The following ELAPOR2 variants were observed in gnomAD, a reference collection of about 807,000 sequenced individuals.
ELAPOR2 encodes the protein endosome/lysosome-associated apoptosis and autophagy regulator family member 2.
ELAPOR2 carries 89 observed loss-of-function variants against 120.7 expected under a neutral mutation model. The observed-to-expected ratio is 0.74, with a 90% CI of 0.62 to 0.88. ELAPOR2 has a LOEUF of 0.88. Among genes scored for constraint, ELAPOR2 ranks in the 40% least tolerant of loss-of-function variants. The probability of loss-of-function intolerance (pLI) is 0.00; values close to 1 mark genes in which losing one functional copy is unlikely to be tolerated. For missense variants in ELAPOR2, 1,134 were observed against 1,251.6 expected (o/e 0.91, Z 1.42); for synonymous variants, 444 against 444.9 (o/e 1.00, Z 0.03).
chr7:86,914,458 T>C (rs1347813603), intron 13 of ELAPOR2, among the ~76,000 whole-genome samples: 1 of 152,178 alleles, frequency 6.6e-6, no homozygotes, highest in Non-Finnish European at 1.5e-5. Context: ...AATTAGATTT[T>C]CCTTCTCATA....
chr7:86,936,856 T>C (rs1450827088), intron 8 of ELAPOR2, among the ~76,000 whole-genome samples: 1 of 152,088 alleles, frequency 6.6e-6, no homozygotes, highest in Non-Finnish European at 1.5e-5. Context: ...ATATTTTCAT[T>C]GTAGATAAGA....
chr7:86,897,769 G>T, intron 18 of ELAPOR2, 137 bp from the exon 19 acceptor site: 1 of 928,068 alleles, frequency 1.1e-6, no homozygotes, highest in Non-Finnish European at 1.6e-6. Context: ...GTGGAAAAAA[G>T]TCTAAAAGAC....
intron 2 of ELAPOR2, among the ~76,000 whole-genome samples, chr7:86,962,760 G>A (rs1791765275): frequency 6.6e-6 from 1 of 152,186 alleles, no homozygotes; most frequent in African/African-American, 2.4e-5. Context: ...AAAGCTCTAA[G>A]CACAATGTTT....
intron 21 of ELAPOR2, among the ~76,000 whole-genome samples, chr7:86,890,547 C>T (rs1043706453): frequency 6.6e-5 from 10 of 151,948 alleles, no homozygotes; most frequent in African/African-American, 2.4e-4. Context: ...CTACCTGTGG[C>T]TTTGGGAGCT....
chr7:87,033,648 A>G (rs1026280977), intron 1 of ELAPOR2, among the ~76,000 whole-genome samples: 1 of 152,156 alleles, frequency 6.6e-6, no homozygotes, highest in African/African-American at 2.4e-5. Flanking sequence ...AGAATCCAAA[A>G]AAAATTTTTA....
chr7:87,051,267 C>A (rs1795092698), intron 1 of ELAPOR2, among the ~76,000 whole-genome samples: 2 of 102,564 alleles, frequency 1.9e-5, no homozygotes, highest in Non-Finnish European at 4.5e-5. Flanking sequence ...AAGAGAAAAA[C>A]CAGGAGAGTT....
At chr7:87,045,565 A>T (rs1794926546) in intron 1 of ELAPOR2, among the ~76,000 whole-genome samples, 1 of 149,140 alleles carries the variant, frequency 6.7e-6, no homozygotes, top group Non-Finnish European at 1.5e-5. Flanking sequence ...CAGTGAGATC[A>T]CATGGACACA....
chr7:86,939,070 G>T (rs921381556), intron 6 of ELAPOR2, 110 bp from the exon 7 acceptor site: 27 of 1,168,498 alleles, frequency 2.3e-5, no homozygotes, highest in African/African-American at 3.1e-5. Flanking sequence ...GAACAGTAAG[G>T]TCAGCCCAAA....
chr7:87,050,773 T>G (rs1052291387), intron 1 of ELAPOR2, among the ~76,000 whole-genome samples: 1 of 152,168 alleles, frequency 6.6e-6, no homozygotes, highest in African/African-American at 2.4e-5. Context: ...CAAGATACAA[T>G]GGTAGTATGG....
At chr7:86,888,574 T>C (rs374823403) in intron 21 of ELAPOR2, among the ~76,000 whole-genome samples, 16 of 152,100 alleles carry the variant, frequency 1.1e-4, no homozygotes, top group African/African-American at 3.9e-4. Context: ...CCCCTTAAAC[T>C]AACTGAGAAA....
intron 20 of ELAPOR2, among the ~76,000 whole-genome samples, chr7:86,892,457 T>A (rs1021438061): frequency 6.6e-6 from 1 of 152,094 alleles, no homozygotes; most frequent in African/African-American, 2.4e-5. Flanking sequence ...CAATATTCAA[T>A]TCCAGATACT....
chr7:87,010,205 A>G (rs186198307), intron 1 of ELAPOR2, among the ~76,000 whole-genome samples: 8 of 152,286 alleles, frequency 5.3e-5, no homozygotes, highest in African/African-American at 1.9e-4. Context: ...CTAAAAGCAA[A>G]ATTCTTAATA....
chr7:86,938,322 C>T (rs191912182), intron 7 of ELAPOR2, 108 bp from the exon 8 acceptor site: 31 of 771,092 alleles, frequency 4.0e-5, no homozygotes, highest in Admixed American at 1.7e-4. Flanking sequence ...AATAAACTTA[C>T]CAGGGCAATT....
chr7:86,897,145 C>A (rs150450210), intron 19 of ELAPOR2, among the ~76,000 whole-genome samples: 1 of 152,110 alleles, frequency 6.6e-6, no homozygotes, highest in African/African-American at 2.4e-5. Context: ...TATGTATATG[C>A]TTTACTTTTT....
At chr7:87,029,507 T>G (rs908797396) in intron 1 of ELAPOR2, among the ~76,000 whole-genome samples, 1 of 152,200 alleles carries the variant, frequency 6.6e-6, no homozygotes, top group East Asian at 1.9e-4. Flanking sequence ...TTCGCAATTC[T>G]TTTTATAATT....
intron 1 of ELAPOR2, among the ~76,000 whole-genome samples, chr7:86,966,180 T>C (rs1316123495): frequency 6.6e-6 from 1 of 152,124 alleles, no homozygotes; most frequent in African/African-American, 2.4e-5. Context: ...CAGCTAAATA[T>C]CCAAGCTCAT....
At chr7:87,016,907 AC>A (rs1371194058) in intron 1 of ELAPOR2, among the ~76,000 whole-genome samples, 3 of 152,100 alleles carry the variant, frequency 2.0e-5, no homozygotes, top group African/African-American at 7.2e-5. Flanking sequence ...CTTTCCAAAA[AC>A]CTGTCTTCAA....
At chr7:86,948,066 G>T in intron 2 of ELAPOR2, 144 bp from the exon 3 acceptor site, 1 of 618,826 alleles carries the variant, frequency 1.6e-6, no homozygotes, top group Non-Finnish European at 2.8e-6. Flanking sequence ...ATCACTACAT[G>T]CATTTCACAA....
intron 10 of ELAPOR2, 89 bp from the exon 11 acceptor site, chr7:86,919,399 C>A: frequency 1.3e-6 from 1 of 742,154 alleles, no homozygotes. Flanking sequence ...TAAAAAGAAG[C>A]ATTAGTGTTT....
Sources: gnomAD v4.1 joint callset for allele counts (sites outside exome capture counted in the v4.1 genomes callset) on GRCh38, gnomAD v4.1.1 for gene constraint, MANE v1.5 for transcripts, NCBI Gene and HGNC (gene_info 2026-07-23, HGNC 2026-07-21) for gene names.